CCDC186: variants seen among roughly 807,000 people sequenced by gnomAD.
CCDC186 encodes the protein coiled-coil domain-containing protein 186.
CCDC186 carries 49 observed loss-of-function variants against 113.7 expected under a neutral mutation model. The ratio of observed to expected loss-of-function variants is 0.43; its 90% CI spans 0.34 to 0.55. CCDC186 has a LOEUF of 0.55. Ranked by LOEUF, CCDC186 falls within the 20% of genes least tolerant of loss-of-function variation. The pLI, the probability that CCDC186 is intolerant of heterozygous loss-of-function variation, is 0.02. For synonymous variants in CCDC186, 355 were observed against 345.8 expected, an observed-to-expected ratio of 1.03 and a Z score of -0.30; for missense variants, 890 against 1,011.1, an observed-to-expected ratio of 0.88 and a Z score of 1.62.
Position 114,124,251 on chromosome 10 carries a change from G to A in CCDC186, c.*892C>T, listed in dbSNP as rs927526557. Reference sequence around the variant, plus strand: ...ATTAATATATCCATGGTAAAGAATGGTGCTCAAATGAAATAGTTTATAGTG... The same window carrying A: ...ATTAATATATCCATGGTAAAGAATGATGCTCAAATGAAATAGTTTATAGTG... On this transcript the variant is annotated 3_prime_UTR_variant, in exon 16 of 16. Coordinates refer to ENST00000369287, the MANE Select transcript of CCDC186 (RefSeq NM_018017.4). The A allele has an allele frequency of 1.3e-5, 2 of 152,096 alleles. No individual in the cohort carries two copies. The highest frequency in any genetic ancestry group is 2.9e-5 in the Non-Finnish European group (2 of 68,018). 9.4% of individuals were successfully genotyped at this position (152,096 alleles called of 1,614,324 possible). A position where few individuals can be genotyped will look rare whatever the true frequency, so the allele number is the denominator to read the frequency against.
intron 5 of CCDC186, 106 bp from the exon 6 acceptor site, chr10:114,144,722 C>A: frequency 2.0e-6 from 2 of 988,016 alleles, no homozygotes; most frequent in South Asian, 1.8e-5. Context: ...TAATCAAGGG[C>A]TGGCACACTA....
At chr10:114,128,845 T>G (rs2030995467) in intron 13 of CCDC186, among the ~76,000 whole-genome samples, 1 of 152,220 alleles carries the variant, frequency 6.6e-6, no homozygotes, top group African/African-American at 2.4e-5. Context: ...CACATATATG[T>G]AAAAATCTGA....
At chr10:114,172,693 G>T (rs1488561779) in intron 1 of CCDC186, among the ~76,000 whole-genome samples, 12 of 152,174 alleles carry the variant, frequency 7.9e-5, no homozygotes, top group Non-Finnish European at 1.5e-5. Context: ...TCTTAATACT[G>T]CAAGATTCGT....
chr10:114,138,369 T>C (rs1310213690), intron 6 of CCDC186, among the ~76,000 whole-genome samples: 3 of 149,228 alleles, frequency 2.0e-5, no homozygotes, highest in African/African-American at 4.9e-5. Flanking sequence ...TGTCGGCTCA[T>C]TGCAACCTCC....
At chr10:114,137,157 T>C (rs760187684) in intron 7 of CCDC186, 29 bp downstream of exon 7, 3 of 1,502,640 alleles carry the variant, frequency 2.0e-6, no homozygotes, top group South Asian at 2.3e-5. Flanking sequence ...TAAAATTTGA[T>C]ACTAATCTAT....
chr10:114,148,258 A>G (rs907509118), intron 4 of CCDC186, among the ~76,000 whole-genome samples: 3 of 152,212 alleles, frequency 2.0e-5, no homozygotes, highest in African/African-American at 7.2e-5. Flanking sequence ...GTGCTTGTTA[A>G]AAGTTCACAC....
At position 114,123,039 on chromosome 10, in the gene CCDC186, A is replaced by G. The variant is rs1416135191; in HGVS notation, c.*2104T>C. ...TGGATCAGATCACTATTTGGTCTCC[A>G]TTATACATTTTGTGCCTTGGGGAAA... On this transcript the variant is annotated 3_prime_UTR_variant, in exon 16 of 16. Coordinates refer to ENST00000369287, the MANE Select transcript of CCDC186 (RefSeq NM_018017.4). The G allele has an allele frequency of 1.3e-5, 2 of 152,546 alleles. No individual in the cohort carries two copies. Among genetic ancestry groups the G allele is most frequent in the Non-Finnish European group, 2.9e-5 (2 of 68,008 alleles). The allele number at this position is 152,546 out of a possible 1,614,324, so 9.4% of individuals were successfully genotyped here. A position where few individuals can be genotyped will look rare whatever the true frequency, so the allele number is the denominator to read the frequency against.
intron 4 of CCDC186, among the ~76,000 whole-genome samples, chr10:114,149,926 C>T (rs73355748): frequency 1.3e-5 from 2 of 151,990 alleles, no homozygotes; most frequent in East Asian, 3.9e-4. Flanking sequence ...TTTGGGCCCG[C>T]TAAAACCAGT....
intron 6 of CCDC186, among the ~76,000 whole-genome samples, chr10:114,138,046 AAAAAAAAAAAAAAAAAAAAAAAAAAAAT>A (rs1283161153): frequency 0.14 from 3,529 of 25,638 alleles, 126 homozygotes; most frequent in African/African-American, 0.38. Flanking sequence ...TCAAAAAAAA[AAAAAAAAAAAAAAAAAAAAAAAAAAAAT>A]AAAAAAAATA....
Position 114,174,145 on chromosome 10 carries a change from A to C in CCDC186, c.-192T>G. The C allele has an allele frequency of 2.1e-6, 1 of 471,180 alleles. No homozygotes were observed. The highest frequency in any genetic ancestry group is 1.6e-5 in the South Asian group (1 of 64,462). The allele number at this position is 471,180 out of a possible 1,614,324, so 29.2% of individuals were successfully genotyped here. ...AAGACCGCGGTGAGAAACACAGCCGACGCCTCACTCAGCGGCCGTTTCCCC... is the reference window on the plus strand; with the variant it reads ...AAGACCGCGGTGAGAAACACAGCCGCCGCCTCACTCAGCGGCCGTTTCCCC... On this transcript the variant is annotated 5_prime_UTR_variant, in exon 1 of 16. Coordinates refer to ENST00000369287, the MANE Select transcript of CCDC186 (RefSeq NM_018017.4).
intron 6 of CCDC186, among the ~76,000 whole-genome samples, chr10:114,139,255 C>A (rs1312532063): frequency 6.8e-6 from 1 of 146,334 alleles, no homozygotes; most frequent in Non-Finnish European, 1.5e-5. Flanking sequence ...CCCTGCATCT[C>A]TTGAACCATC....
At chr10:114,136,718 G>A (rs1454488274) in intron 7 of CCDC186, among the ~76,000 whole-genome samples, 1 of 152,078 alleles carries the variant, frequency 6.6e-6, no homozygotes, top group East Asian at 1.9e-4. Context: ...CATTTAAGTT[G>A]CAGGTACTTT....
chr10:114,171,878 C>T (rs570771019), intron 1 of CCDC186, among the ~76,000 whole-genome samples: 1 of 152,306 alleles, frequency 6.6e-6, no homozygotes, highest in African/African-American at 2.4e-5. Context: ...TTTGTGTCTA[C>T]TGTCCCTTCA....
chr10:114,132,593 T>C (rs2031122812), intron 10 of CCDC186, among the ~76,000 whole-genome samples: 1 of 152,186 alleles, frequency 6.6e-6, no homozygotes, highest in African/African-American at 2.4e-5. Context: ...CACTCTGCCA[T>C]TGTACTATGA....
At chr10:114,136,272 G>A in intron 7 of CCDC186, 26 bp from the exon 8 acceptor site, 1 of 1,560,924 alleles carries the variant, frequency 6.4e-7, no homozygotes, top group South Asian at 1.1e-5. Context: ...CAAAAAAAGT[G>A]TGACAATTTT....
chr10:114,170,866 C>T (rs532080406), intron 1 of CCDC186, among the ~76,000 whole-genome samples: 9 of 152,062 alleles, frequency 5.9e-5, no homozygotes, highest in African/African-American at 1.9e-4. Context: ...CAAGACCCCC[C>T]CACCCTCCAC....
At chr10:114,152,338 G>GAA (rs202009408) in intron 3 of CCDC186, among the ~76,000 whole-genome samples, 2 of 130,158 alleles carry the variant, frequency 1.5e-5, no homozygotes, top group East Asian at 2.1e-4. Context: ...CCCTGTCTCT[G>GAA]AAAAAAAAAA....
intron 6 of CCDC186, among the ~76,000 whole-genome samples, chr10:114,138,749 T>C (rs1222885173): frequency 6.6e-6 from 1 of 152,182 alleles, no homozygotes; most frequent in African/African-American, 2.4e-5. Flanking sequence ...GACAATATTC[T>C]CCTTCTCTTT....
At chr10:114,137,115 T>TC in intron 7 of CCDC186, 71 bp downstream of exon 7, 1 of 1,221,698 alleles carries the variant, frequency 8.2e-7, no homozygotes, top group Non-Finnish European at 1.2e-6. Flanking sequence ...AGACTCCATC[T>TC]AAAAAAAGAA....
Sources: allele counts gnomAD v4.1 joint callset (sites outside exome capture counted in the v4.1 genomes callset), GRCh38; gene constraint gnomAD v4.1.1; transcripts MANE v1.5; gene names NCBI Gene and HGNC (gene_info 2026-07-23, HGNC 2026-07-21).